SNTG1: variants seen among roughly 807,000 people sequenced by gnomAD.
The protein encoded by SNTG1 is syntrophin gamma 1.
A neutral mutation model predicts 74.7 loss-of-function variants in SNTG1; 39 were observed. That is an observed-to-expected ratio of 0.52 (90% CI 0.40 to 0.68). The LOEUF (loss-of-function observed/expected upper bound fraction) is 0.68. SNTG1 is among the 30% of genes least tolerant of loss of function. SNTG1 has a pLI of 0.00. For synonymous variants in SNTG1, 254 were observed against 217.1 expected (o/e 1.17, Z -1.49); for missense variants, 685 against 609.5 (o/e 1.12, Z -1.30).
chr8:50,021,972 A>G (rs1182462715), intron 1 of SNTG1, among the ~76,000 whole-genome samples: 1 of 151,786 alleles, frequency 6.6e-6, no homozygotes, highest in Non-Finnish European at 1.5e-5. Flanking sequence ...AAAAATAAAA[A>G]GAAGAAGAAG....
At chr8:50,582,048 CT>C (rs571529170) in intron 12 of SNTG1, among the ~76,000 whole-genome samples, 24 of 152,258 alleles carry the variant, frequency 1.6e-4, no homozygotes, top group Middle Eastern at 3.4e-3. Flanking sequence ...CTTCCCAGCC[CT>C]ATTTTGTCTG....
chr8:50,512,279 A>T (rs2094085993), intron 9 of SNTG1, among the ~76,000 whole-genome samples: 1 of 151,650 alleles, frequency 6.6e-6, no homozygotes, highest in Admixed American at 6.6e-5. Flanking sequence ...TTCCACCGAG[A>T]GATCAGCTGT....
chr8:50,317,731 T>A (rs2090365317), intron 2 of SNTG1, among the ~76,000 whole-genome samples: 6 of 152,244 alleles, frequency 3.9e-5, no homozygotes, highest in Admixed American at 3.9e-4. Context: ...TGACATCGTT[T>A]GCCTATTCAT....
Position 50,316,671 on chromosome 8 carries a change from C to T in SNTG1, c.-27-77541C>T, listed in dbSNP as rs531277349. On this transcript the variant is annotated intron_variant, in intron 2 of 18. Transcript: ENST00000642720. ...TGATGAGAAACTAATATGTTCCAAGCAGTCCAGTTAGTACTAAGGATGTAA... is the reference window on the plus strand; with the variant it reads ...TGATGAGAAACTAATATGTTCCAAGTAGTCCAGTTAGTACTAAGGATGTAA... Among the ~76,000 whole-genome samples, 3 of 152,204 alleles carry T rather than the reference C, an allele frequency of 2.0e-5. No homozygotes were observed. In the East Asian group the frequency reaches 5.8e-4, roughly 29 times the overall value.
intron 1 of SNTG1, among the ~76,000 whole-genome samples, chr8:49,990,460 A>G (rs1431842957): frequency 6.6e-6 from 1 of 152,072 alleles, no homozygotes; most frequent in Non-Finnish European, 1.5e-5. Flanking sequence ...CAATGGATCC[A>G]GAATAACCAA....
At chr8:50,265,233 A>G (rs886844331) in intron 2 of SNTG1, among the ~76,000 whole-genome samples, 12 of 152,118 alleles carry the variant, frequency 7.9e-5, no homozygotes, top group Admixed American at 1.3e-4. Context: ...TATTTGCAAA[A>G]CAGCACCAGA....
At chr8:50,761,944 C>T (rs976868113) in intron 18 of SNTG1, among the ~76,000 whole-genome samples, 10 of 151,876 alleles carry the variant, frequency 6.6e-5, no homozygotes, top group Non-Finnish European at 2.9e-5. Context: ...AAATGCCTTT[C>T]AATAAGTAAA....
At chr8:50,500,185 A>T (rs1397843539) in intron 8 of SNTG1, among the ~76,000 whole-genome samples, 1 of 149,628 alleles carries the variant, frequency 6.7e-6, no homozygotes, top group African/African-American at 2.5e-5. Flanking sequence ...GACTCATATG[A>T]TATGCATTTT....
intron 8 of SNTG1, among the ~76,000 whole-genome samples, chr8:50,461,008 C>A (rs1169582089): frequency 6.7e-6 from 1 of 149,734 alleles, no homozygotes; most frequent in Non-Finnish European, 1.5e-5. Context: ...CTTTTTTTTT[C>A]CTCTTACAGG....
intron 2 of SNTG1, among the ~76,000 whole-genome samples, chr8:50,280,932 T>A (rs555218094): frequency 7.4e-6 from 1 of 135,686 alleles, no homozygotes; most frequent in Admixed American, 8.4e-5. Flanking sequence ...GGCGGGTGGA[T>A]CATGAGGTCA....
intron 1 of SNTG1, among the ~76,000 whole-genome samples, chr8:50,127,880 G>T (rs2081196915): frequency 6.6e-6 from 1 of 152,054 alleles, no homozygotes; most frequent in Non-Finnish European, 1.5e-5. Flanking sequence ...GACTGTGTCT[G>T]CCTCTGAGCA....
chr8:50,241,407 GA>G (rs1354724474), intron 2 of SNTG1, among the ~76,000 whole-genome samples: 6 of 152,254 alleles, frequency 3.9e-5, no homozygotes, highest in Non-Finnish European at 8.8e-5. Context: ...CAGGTAAATG[GA>G]AGAAAAACAA....
At chr8:50,454,149 A>G (rs2093481185) in intron 8 of SNTG1, among the ~76,000 whole-genome samples, 1 of 152,176 alleles carries the variant, frequency 6.6e-6, no homozygotes, top group Admixed American at 6.5e-5. Flanking sequence ...GGCCATCTCT[A>G]TATCTTGTCA....
intron 15 of SNTG1, among the ~76,000 whole-genome samples, chr8:50,682,817 TTC>T (rs901650504): frequency 3.9e-5 from 6 of 152,166 alleles, no homozygotes; most frequent in African/African-American, 1.4e-4. Flanking sequence ...AATTCCACTG[TTC>T]TGTTTAGGCA....
At chr8:49,953,506 G>A (rs921040458) in intron 1 of SNTG1, among the ~76,000 whole-genome samples, 1 of 152,172 alleles carries the variant, frequency 6.6e-6, no homozygotes, top group Non-Finnish European at 1.5e-5. Context: ...ACAAGCTGGG[G>A]AGTCATCTGA....
At chr8:49,947,897 G>A (rs993527159) in intron 1 of SNTG1, among the ~76,000 whole-genome samples, 3 of 152,122 alleles carry the variant, frequency 2.0e-5, no homozygotes, top group Non-Finnish European at 2.9e-5. Flanking sequence ...TTGGGAGGCC[G>A]AGGTTGGCAG....
intron 17 of SNTG1, among the ~76,000 whole-genome samples, chr8:50,718,513 G>A (rs2095480134): frequency 6.6e-6 from 1 of 152,122 alleles, no homozygotes; most frequent in Non-Finnish European, 1.5e-5. Context: ...TGGTTCTCTC[G>A]AACATCCTCT....
At chr8:50,688,127 T>C (rs1352141481) in intron 15 of SNTG1, among the ~76,000 whole-genome samples, 12 of 152,196 alleles carry the variant, frequency 7.9e-5, no homozygotes, top group Admixed American at 7.9e-4. Flanking sequence ...TGTAAATTTG[T>C]TTGAGTTCAT....
At chr8:50,740,082 A>G (rs1488401445) in intron 17 of SNTG1, among the ~76,000 whole-genome samples, 2 of 152,136 alleles carry the variant, frequency 1.3e-5, no homozygotes, top group Non-Finnish European at 2.9e-5. Flanking sequence ...CATGATGAAG[A>G]TGCCAAAAGC....
Sources: allele counts gnomAD v4.1 joint callset (sites outside exome capture counted in the v4.1 genomes callset), GRCh38; gene constraint gnomAD v4.1.1; transcripts MANE v1.5; gene names NCBI Gene and HGNC (gene_info 2026-07-23, HGNC 2026-07-21).